SYNM: variants seen among roughly 807,000 people sequenced by gnomAD.
The protein encoded by SYNM is synemin.
A neutral mutation model predicts 104.0 loss-of-function variants in SYNM; 95 were observed. The observed-to-expected ratio is 0.91, with a 90% CI of 0.77 to 1.08. SYNM has a LOEUF of 1.08. Ranked by LOEUF, SYNM falls within the 50% of genes least tolerant of loss-of-function variation. SYNM has a pLI of 0.00. For missense variants in SYNM, 2,150 were observed against 2,052.2 expected (o/e 1.05, Z -0.92); for synonymous variants, 918 against 869.0 (o/e 1.06, Z -0.99).
intron 2 of SYNM, among the ~76,000 whole-genome samples, chr15:99,125,768 G>C (rs1221955007): frequency 6.6e-6 from 1 of 152,198 alleles, no homozygotes; most frequent in South Asian, 2.1e-4. Context: ...TCTTGGAACC[G>C]GAGTTAGTGA....
intron 1 of SYNM, among the ~76,000 whole-genome samples, chr15:99,107,362 T>A (rs1470636311): frequency 5.9e-5 from 9 of 152,200 alleles, no homozygotes; most frequent in Admixed American, 5.9e-4. Context: ...AAAAAGTGCC[T>A]TAATGTGGCA....
chr15:99,138,766 C>T (rs541923544), downstream of SYNM, among the ~76,000 whole-genome samples: 9 of 152,356 alleles, frequency 5.9e-5, no homozygotes, highest in Admixed American at 5.2e-4. Context: ...AAGGGGATGG[C>T]GCCCTGCTGG....
Position 99,129,870 on chromosome 15 carries a change from G to T in SYNM, c.1510G>T (p.Ala504Ser). 1.2e-6 allele frequency: 2 copies of T among 1,613,466 alleles called. No homozygotes were observed. Among genetic ancestry groups the T allele is most frequent in the Non-Finnish European group, 1.7e-6 (2 of 1,179,682 alleles). Residue 504 changes from alanine (A) to serine (S), a missense_variant, in exon 4 of 4, where the codon GCC becomes TCC. Ala to Ser is a moderately conservative substitution (Grantham distance 99, BLOSUM62 1). Transcript: ENST00000336292. ...VILGKKTEVKATREQERNRPE... is the reference protein window; with the variant it reads ...VILGKKTEVKSTREQERNRPE... The stretch of plus-strand genomic sequence containing the variant: ...TCTGGGAAAGAAAACAGAAGTGAAA[G>T]CCACGAGGGAGCAAGAAAGAAACAG...
In SYNM at chr15:99,131,657, G is replaced by A; in HGVS notation, c.3297G>A (p.Val1099=). 6.2e-7 allele frequency: 1 copy of A among 1,611,946 alleles called. No homozygotes were observed. The change falls in exon 4 of 4, where the codon GTG becomes GTA. Residue 1099 remains valine, a synonymous_variant. Transcript: ENST00000336292. This position sits in a 1 kb window ranked among gnomAD's most constrained non-coding sequence, Gnocchi z 4.3. Reference sequence around the variant, plus strand: ...GACAGCGCACTCCCCAGGGCCCAGTGTCGGCCACTGTGGAGGTCAGCAGCC... The same window carrying A: ...GACAGCGCACTCCCCAGGGCCCAGTATCGGCCACTGTGGAGGTCAGCAGCC... ...SSGQRTPQGP[V]SATVEVSSPT...
At chr15:99,137,864 T>G, downstream of SYNM, 1 of 1,312,858 alleles carries the variant, frequency 7.6e-7, no homozygotes, top group Non-Finnish European at 1.0e-6. Context: ...AGGCTTATGG[T>G]CTCACTGTTG....
At chr15:99,140,737 C>G in the SYNM span, 1 of 148,602 alleles carries the variant, frequency 6.7e-6, no homozygotes, top group Non-Finnish European at 1.5e-5. Flanking sequence ...AAGTGAAAGA[C>G]TGATAAAATG....
In SYNM at chr15:99,129,389, C is replaced by A. The variant is rs373912780; in HGVS notation, c.1029C>A (p.His343Gln). ...CAGAATTCAGAAACAAATCCTATCA[C>A]TATACCGACTCACTACTACAGAGGG... ...MPSEFRNKSYHYTDSLLQREN... is the reference protein window; with the variant it reads ...MPSEFRNKSYQYTDSLLQREN... The change falls in exon 4 of 4, where the codon CAC becomes CAA. Residue 343 changes from histidine to glutamine, a missense_variant. Transcript: ENST00000336292. 1 of 1,613,732 alleles carries A rather than the reference C, an allele frequency of 6.2e-7. No homozygotes were observed. Among genetic ancestry groups the A allele is most frequent in the African/African-American group, 1.3e-5 (1 of 74,916 alleles).
At chr15:99,139,439 GT>G, downstream of SYNM, 1 of 1,613,568 alleles carries the variant, frequency 6.2e-7, no homozygotes, top group Non-Finnish European at 8.5e-7. Context: ...CTATGGAAGT[GT>G]CGCTGAGAGC....
chr15:99,139,630 C>G (rs2067987513), downstream of SYNM: 18 of 1,503,462 alleles, frequency 1.2e-5, no homozygotes, highest in South Asian at 2.2e-4. Flanking sequence ...CTGTGACTAT[C>G]TGTATGCAAA....
chr15:99,120,827 GA>G (rs2067393606), intron 2 of SYNM, among the ~76,000 whole-genome samples: 2 of 152,174 alleles, frequency 1.3e-5, no homozygotes, highest in Admixed American at 1.3e-4. Context: ...ACACAGAGGA[GA>G]GAGGGAGAGG....
At chr15:99,139,680 G>A (rs1211790081), downstream of SYNM, 3 of 1,395,344 alleles carry the variant, frequency 2.2e-6, no homozygotes, top group Non-Finnish European at 2.9e-6. Context: ...ATAAAGGCAA[G>A]AACCTTGGTA....
chr15:99,139,305 A>T (rs781804812), downstream of SYNM: 1 of 1,610,352 alleles, frequency 6.2e-7, no homozygotes, highest in South Asian at 1.1e-5. Flanking sequence ...AGTGTGAGGG[A>T]CGCCAACTCA....
rs143276504 is a variant in SYNM at position 99,114,817 on chromosome 15, G to T, written c.935+1102G>T. On this transcript the variant is annotated intron_variant, in intron 2 of 3. Transcript: ENST00000336292. ...GGGTGCCAGTGCGTCTTTGATTGAGGTGGTGCCCCTTGTTTCCTGGCAGCT... is the reference window on the plus strand; with the variant it reads ...GGGTGCCAGTGCGTCTTTGATTGAGTTGGTGCCCCTTGTTTCCTGGCAGCT... 6.1e-3 allele frequency among the ~76,000 whole-genome samples: 931 copies of T among 152,126 alleles called. 8 individuals are homozygous for T. The highest frequency in any genetic ancestry group is 7.7e-3 in the Non-Finnish European group (522 of 68,004).
At chr15:99,106,142 G>A in intron 1 of SYNM, 133 bp downstream of exon 1, 1 of 991,686 alleles carries the variant, frequency 1.0e-6, no homozygotes, top group Admixed American at 4.1e-5. Flanking sequence ...CGCCCAGAGG[G>A]TGCCCGAATG....
rs1190251822 is a variant in SYNM, at chr15:99,105,596, C to G, written c.397C>G (p.Leu133Val). The G allele has an allele frequency of 4.1e-5, 50 of 1,208,346 alleles. No individual in the cohort carries two copies. The highest frequency in any genetic ancestry group is 5.0e-5 in the Non-Finnish European group (49 of 971,828). 74.9% of individuals were successfully genotyped at this position (1,208,346 alleles called of 1,614,324 possible). The change falls in exon 1 of 4, where the codon CTG (leucine) becomes GTG (valine). Residue 133 changes from leucine to valine, a missense_variant. Transcript: ENST00000336292. ...ALGARAALEA[L>V]LGRLQAERRG... ...GGGCGCGCGCGCCGCCCTCGAGGCG[C>G]TGCTGGGCCGGCTGCAGGCCGAGCG...
chr15:99,105,390 C>G lies in SYNM; in HGVS notation c.191C>G (p.Ala64Gly). 6.6e-7 allele frequency: 1 copy of G among 1,512,410 alleles called. No individual in the cohort carries two copies. Among genetic ancestry groups the G allele is most frequent in the Non-Finnish European group, 8.8e-7 (1 of 1,136,748 alleles). The allele number at this position is 1,512,410 out of a possible 1,614,324, so 93.7% of individuals were successfully genotyped here. The change falls in exon 1 of 4, where the codon GCG becomes GGG. Residue 64 changes from alanine to glycine, a missense_variant. Coordinates refer to ENST00000336292, the MANE Select transcript of SYNM (RefSeq NM_145728.3). Reference protein sequence around the residue: ...AEGQARCAEEARSLRQQLDEL... With the variant: ...AEGQARCAEEGRSLRQQLDEL... ...GGGCAGGCCCGCTGCGCCGAGGAGG[C>G]GCGCAGCTTGCGGCAGCAGCTGGAC... is the stretch of plus-strand genomic sequence containing the variant.
intron 1 of SYNM, among the ~76,000 whole-genome samples, chr15:99,111,613 C>A (rs532277650): frequency 6.6e-6 from 1 of 152,342 alleles, no homozygotes; most frequent in East Asian, 1.9e-4. Flanking sequence ...AAGTTTACTT[C>A]TTTGCTTTAA....
chr15:99,139,596 T>G, downstream of SYNM: 1 of 1,530,380 alleles, frequency 6.5e-7, no homozygotes, highest in Non-Finnish European at 8.8e-7. Context: ...AGTGAACAGT[T>G]TTAGCACTAT....
At position 99,105,322 on chromosome 15, in the gene SYNM, G is replaced by T; in HGVS notation, c.123G>T (p.Glu41Asp). ...AGCGCGAAAACCTACTCCTGGAGGA[G>T]GAGCTGCGCGGCCGGCGCGGGCGAG... ...ELERENLLLE[E>D]ELRGRRGREG... Residue 41 changes from glutamate to aspartate, a missense_variant, in exon 1 of 4, where the codon GAG (glutamate) becomes GAT (aspartate). Glu to Asp is a conservative substitution (Grantham distance 45). Coordinates refer to ENST00000336292, the MANE Select transcript of SYNM (RefSeq NM_145728.3). The T allele has an allele frequency of 6.5e-7, 1 of 1,543,548 alleles. No individual in the cohort carries two copies. Among genetic ancestry groups the T allele is most frequent in the Non-Finnish European group, 8.7e-7 (1 of 1,146,246 alleles).
Sources: gnomAD v4.1 joint callset for allele counts (sites outside exome capture counted in the v4.1 genomes callset) on GRCh38, gnomAD v4.1.1 for gene constraint, Gnocchi (gnomAD v3.1) non-coding constraint, MANE v1.5 for transcripts, NCBI Gene and HGNC (gene_info 2026-07-23, HGNC 2026-07-21) for gene names.